Variants in ZSCAN16 observed in about 807,000 individuals in gnomAD.
The protein encoded by ZSCAN16 is zinc finger and SCAN domain-containing protein 16.
Under a neutral mutation model 19.4 loss-of-function variants are expected in ZSCAN16, and 15 were observed. That is an observed-to-expected ratio of 0.77 (90% confidence interval 0.52 to 1.19). The LOEUF (loss-of-function observed/expected upper bound fraction) is 1.19, where lower values mean the gene tolerates loss of function less well. Among genes scored for constraint, ZSCAN16 ranks in the 50% most tolerant of loss-of-function variants. The pLI is 0.00. For synonymous variants in ZSCAN16, 138 were observed against 146.5 expected (o/e 0.94, Z 0.42); for missense variants, 327 against 415.7 (o/e 0.79, Z 1.86).
intron 3 of ZSCAN16, among the ~76,000 whole-genome samples, chr6:28,128,264 G>A (rs1331437538): frequency 6.6e-6 from 1 of 152,032 alleles, no homozygotes; most frequent in Non-Finnish European, 1.5e-5. Context: ...ATAAGCATGA[G>A]CCACTGTGCC....
Position 28,125,454 on chromosome 6 carries a change from C to G in ZSCAN16, c.11C>G (p.Ala4Gly), listed in dbSNP as rs772833523. MTT[A>G]LEPEDQKGLL... ...CTGGCAAAGCCCAGAATGACCACAG[C>G]CCTGGAACCTGAGGACCAAAAAGGA... Residue 4 changes from alanine to glycine, a missense_variant, in exon 2 of 4, where the codon GCC (alanine) becomes GGC (glycine). Ala to Gly is a moderately conservative substitution (Grantham distance 60). Coordinates refer to ENST00000340487, the MANE Select transcript of ZSCAN16 (RefSeq NM_025231.3). This position sits in a 1 kb window ranked among gnomAD's most constrained non-coding sequence, Gnocchi z 6.2. The G allele has an allele frequency of 9.9e-6, 16 of 1,612,650 alleles. No individual in the cohort carries two copies. The highest frequency in any genetic ancestry group is 1.2e-5 in the Non-Finnish European group (14 of 1,179,288).
At position 28,126,908 on chromosome 6, in the gene ZSCAN16, A is replaced by G; in HGVS notation, c.513A>G (p.Lys171=). Residue 171 remains lysine (K), a synonymous_variant, in exon 3 of 4, where the codon AAA becomes AAG. Coordinates refer to ENST00000340487, the MANE Select transcript of ZSCAN16 (RefSeq NM_025231.3). ...CCCAGCTGGAGCAGGAAGCTGGGAA[A>G]CCACAAAGGAATGGTAAGCAGGAAC... ...KKTQLEQEAG[K]PQRNGDKTRT... 2.5e-6 allele frequency: 4 copies of G among 1,576,232 alleles called. No individual in the cohort carries two copies. Among genetic ancestry groups the G allele is most frequent in the Non-Finnish European group, 2.6e-6 (3 of 1,155,354 alleles).
At position 28,125,662 on chromosome 6, in the gene ZSCAN16, A is replaced by T; in HGVS notation, c.219A>T (p.Glu73Asp). 6.2e-7 allele frequency: 1 copy of T among 1,614,260 alleles called. No homozygotes were observed. The highest frequency in any genetic ancestry group is 8.5e-7 in the Non-Finnish European group (1 of 1,180,036). ...WELCRQWLRPECHTKEQILDL... is the reference protein window; with the variant it reads ...WELCRQWLRPDCHTKEQILDL... The stretch of plus-strand genomic sequence containing the variant: ...TCTGCCGTCAGTGGCTGAGGCCAGA[A>T]TGCCACACCAAGGAGCAGATTTTAG... Residue 73 changes from glutamate (E) to aspartate (D), a missense_variant, in exon 2 of 4, where the codon GAA (glutamate) becomes GAT (aspartate). Glu to Asp is a conservative substitution (Grantham distance 45). Coordinates refer to ENST00000340487, the MANE Select transcript of ZSCAN16 (RefSeq NM_025231.3). The surrounding 1 kb of genome is among the most constrained non-coding windows in gnomAD (Gnocchi z 6.2).
Position 28,125,575 on chromosome 6 carries a change from C to A in ZSCAN16, c.132C>A (p.Phe44Leu). The A allele has an allele frequency of 6.2e-7, 1 of 1,614,230 alleles. No homozygotes were observed. The highest frequency in any genetic ancestry group is 1.1e-5 in the South Asian group (1 of 91,090). ...GGAGGGAACTCTATAGACAACACTT[C>A]AGGAAGCTCTGCTATCAGGATGCAC... ...PHRRELYRQH[F>L]RKLCYQDAPG... Residue 44 changes from phenylalanine to leucine, a missense_variant, in exon 2 of 4, where the codon TTC becomes TTA. By Grantham distance (22) the Phe-to-Leu change is conservative (BLOSUM62 0). Coordinates refer to ENST00000340487, the MANE Select transcript of ZSCAN16 (RefSeq NM_025231.3). This position sits in a 1 kb window ranked among gnomAD's most constrained non-coding sequence, Gnocchi z 6.2.
Position 28,126,836 on chromosome 6 carries a change from G to C in ZSCAN16, c.441G>C (p.Leu147Phe). The C allele has an allele frequency of 1.3e-6, 2 of 1,588,430 alleles. No individual in the cohort carries two copies. The highest frequency in any genetic ancestry group is 1.7e-6 in the Non-Finnish European group (2 of 1,163,244). Residue 147 changes from leucine to phenylalanine, a missense_variant, in exon 3 of 4, where the codon TTG (leucine) becomes TTC (phenylalanine). Transcript: ENST00000340487. ...RDILMDKLAP[L>F]GRPYESLTVQ... ...TACTCATGGACAAGTTGGCCCCCTT[G>C]GGAAGGCCATATGAATCACTGACTG...
chr6:28,126,857 G>T lies in ZSCAN16; in HGVS notation c.462G>T (p.Leu154=). 6.3e-7 allele frequency: 1 copy of T among 1,592,336 alleles called. No homozygotes were observed. The highest frequency in any genetic ancestry group is 8.6e-7 in the Non-Finnish European group (1 of 1,165,752). ...LAPLGRPYES[L]TVQLHPKKTQ... The stretch of plus-strand genomic sequence containing the variant: ...CCTTGGGAAGGCCATATGAATCACT[G>T]ACTGTCCAGCTCCATCCCAAAAAGA... Residue 154 remains leucine (L), a synonymous_variant, in exon 3 of 4, where the codon CTG becomes CTT. Transcript: ENST00000340487.
intron 3 of ZSCAN16, 134 bp from the exon 4 acceptor site, chr6:28,129,296 T>C: frequency 9.1e-7 from 1 of 1,103,530 alleles, no homozygotes; most frequent in Non-Finnish European, 1.3e-6. Flanking sequence ...TACCAAATAT[T>C]TGATATGTGT....
Position 28,129,456 on chromosome 6 carries a change from G to C in ZSCAN16, c.553G>C (p.Glu185Gln). 1 of 1,612,216 alleles carries C rather than the reference G, an allele frequency of 6.2e-7. No individual in the cohort carries two copies. The highest frequency in any genetic ancestry group is 1.1e-5 in the South Asian group (1 of 90,766). Reference protein sequence around the residue: ...NGDKTRTKNEELFQKEDMPKD... With the variant: ...NGDKTRTKNEQLFQKEDMPKD... The stretch of plus-strand genomic sequence containing the variant: ...TGATAAAACTAGGACTAAGAATGAA[G>C]AGTTGTTCCAGAAGGAAGATATGCC... Residue 185 changes from glutamate to glutamine, a missense_variant, in exon 4 of 4, where the codon GAG becomes CAG. Coordinates refer to ENST00000340487, the MANE Select transcript of ZSCAN16 (RefSeq NM_025231.3).
intron 3 of ZSCAN16, 81 bp downstream of exon 3, chr6:28,127,002 C>T: frequency 8.0e-7 from 1 of 1,250,810 alleles, no homozygotes; most frequent in Non-Finnish European, 1.0e-6. Flanking sequence ...TTCATCTTCT[C>T]CTTTTAAAGA....
intron 2 of ZSCAN16, among the ~76,000 whole-genome samples, chr6:28,126,381 T>C (rs1764903264): frequency 6.6e-6 from 1 of 152,268 alleles, no homozygotes; most frequent in African/African-American, 2.4e-5. Context: ...AAATTTGGTA[T>C]GTATCTTACA....
In ZSCAN16 at chr6:28,125,887, G is replaced by A. The variant is rs1295315760; in HGVS notation, c.387+57G>A. The A allele has an allele frequency of 9.9e-6, 13 of 1,316,770 alleles. No homozygotes were observed. The highest frequency in any genetic ancestry group is 1.4e-5 in the Non-Finnish European group (13 of 959,728). 81.6% of individuals were successfully genotyped at this position (1,316,770 alleles called of 1,614,324 possible). A position where few individuals can be genotyped will look rare whatever the true frequency, so the allele number is the denominator to read the frequency against. On this transcript the variant is annotated intron_variant, in intron 2 of 3. Transcript: ENST00000340487. The surrounding 1 kb of genome is among the most constrained non-coding windows in gnomAD (Gnocchi z 6.2). ...ATCAGGGGATATGGATGGAGCCAAA[G>A]CAAAAGGCATATGAAAGAACATCTG... is the stretch of plus-strand genomic sequence containing the variant.
chr6:28,125,354 A>G lies in ZSCAN16; in HGVS notation c.-31-59A>G. ...AATTTCTCTATGGTAACAACTTTTT[A>G]TGCCTTAGGAGTGTCTCTGAGGCAG... On this transcript the variant is annotated intron_variant, in intron 1 of 3. Coordinates refer to ENST00000340487, the MANE Select transcript of ZSCAN16 (RefSeq NM_025231.3). The surrounding 1 kb of genome is among the most constrained non-coding windows in gnomAD (Gnocchi z 6.2). 1.3e-6 allele frequency: 2 copies of G among 1,505,572 alleles called. No homozygotes were observed. Among genetic ancestry groups the G allele is most frequent in the Non-Finnish European group, 1.8e-6 (2 of 1,130,696 alleles). 93.3% of individuals were successfully genotyped at this position (1,505,572 alleles called of 1,614,324 possible).
intron 3 of ZSCAN16, among the ~76,000 whole-genome samples, chr6:28,128,698 C>G (rs1348041512): frequency 6.6e-6 from 1 of 152,162 alleles, no homozygotes; most frequent in Non-Finnish European, 1.5e-5. Flanking sequence ...AATAAACGAT[C>G]CAGCTGATTC....
Position 28,125,652 on chromosome 6 carries a change from T to G in ZSCAN16, c.209T>G (p.Leu70Arg). 1 of 1,614,260 alleles carries G rather than the reference T, an allele frequency of 6.2e-7. No individual in the cohort carries two copies. Among genetic ancestry groups the G allele is most frequent in the Non-Finnish European group, 8.5e-7 (1 of 1,180,044 alleles). ...CTGTGGGAGCTCTGCCGTCAGTGGC[T>G]GAGGCCAGAATGCCACACCAAGGAG... Reference protein sequence around the residue: ...TQLWELCRQWLRPECHTKEQI... With the variant: ...TQLWELCRQWRRPECHTKEQI... Residue 70 changes from leucine to arginine, a missense_variant, in exon 2 of 4, where the codon CTG (leucine) becomes CGG (arginine). Transcript: ENST00000340487. The surrounding 1 kb of genome is among the most constrained non-coding windows in gnomAD (Gnocchi z 6.2).
chr6:28,129,572 G>A lies in ZSCAN16; in HGVS notation c.669G>A (p.Glu223=), dbSNP rs1430842312. ...AGTCCAAAGATATTATTGAAAATGA[G>A]GGCAGATCAGAATGGCAACAGAGGG... ...HPKSKDIIEN[E]GRSEWQQRER... The change falls in exon 4 of 4, where the codon GAG becomes GAA. Residue 223 remains glutamate (E), a synonymous_variant. Coordinates refer to ENST00000340487, the MANE Select transcript of ZSCAN16 (RefSeq NM_025231.3). 1.2e-6 allele frequency: 2 copies of A among 1,614,128 alleles called. No homozygotes were observed.
In ZSCAN16 at chr6:28,125,896, A is replaced by G; in HGVS notation, c.387+66A>G. The G allele has an allele frequency of 2.5e-6, 3 of 1,209,406 alleles. No homozygotes were observed. The highest frequency in any genetic ancestry group is 3.4e-6 in the Non-Finnish European group (3 of 870,668). The allele number at this position is 1,209,406 out of a possible 1,614,324, so 74.9% of individuals were successfully genotyped here. ...TATGGATGGAGCCAAAGCAAAAGGC[A>G]TATGAAAGAACATCTGAAAATATTT... On this transcript the variant is annotated intron_variant, in intron 2 of 3. Coordinates refer to ENST00000340487, the MANE Select transcript of ZSCAN16 (RefSeq NM_025231.3). This position sits in a 1 kb window ranked among gnomAD's most constrained non-coding sequence, Gnocchi z 6.2.
intron 2 of ZSCAN16, 123 bp from the exon 3 acceptor site, chr6:28,126,660 T>C: frequency 4.3e-6 from 3 of 704,636 alleles, no homozygotes; most frequent in Non-Finnish European, 6.2e-6. Context: ...ATTATTGCCA[T>C]TTACAATGAA....
chr6:28,126,154 A>G (rs1182426868), intron 2 of ZSCAN16, among the ~76,000 whole-genome samples: 1 of 152,202 alleles, frequency 6.6e-6, no homozygotes, highest in East Asian at 1.9e-4. Flanking sequence ...CTCCCTTTCC[A>G]TATAGGTATT....
rs1170683910 is a variant in ZSCAN16 at position 28,129,467 on chromosome 6, GA to G, written c.566del (p.Lys189ArgfsTer14). On this transcript the variant is annotated frameshift_variant, in exon 4 of 4. Transcript: ENST00000340487. LOFTEE classifies it low-confidence loss of function (END_TRUNC). Reference sequence around the variant, plus strand: ...GGACTAAGAATGAAGAGTTGTTCCAGAAGGAAGATATGCCCAAAGACAAGGA... The same window carrying G: ...GGACTAAGAATGAAGAGTTGTTCCAGAGGAAGATATGCCCAAAGACAAGGA... ...TRTKNEELFQ[K>X]EDMPKDKEFL... 6.2e-7 allele frequency: 1 copy of G among 1,613,262 alleles called. No individual in the cohort carries two copies.
Sources: gnomAD v4.1 joint callset for allele counts (sites outside exome capture counted in the v4.1 genomes callset) on GRCh38, gnomAD v4.1.1 for gene constraint, Gnocchi (gnomAD v3.1) non-coding constraint, MANE v1.5 for transcripts, NCBI Gene and HGNC (gene_info 2026-07-23, HGNC 2026-07-21) for gene names.